Variants in SUSD6 observed in about 807,000 individuals in gnomAD.
SUSD6 encodes the protein sushi domain containing 6, also known as sushi domain-containing protein 6.
SUSD6 carries 16 observed loss-of-function variants against 28.4 expected under a neutral mutation model. That is an observed-to-expected ratio of 0.56 (90% CI 0.38 to 0.86). The LOEUF is 0.86. SUSD6 is among the 40% of genes least tolerant of loss of function. SUSD6 has a pLI of 0.00. For synonymous variants in SUSD6, 147 were observed against 159.6 expected (o/e 0.92, Z 0.59); for missense variants, 341 against 384.2 (o/e 0.89, Z 0.94).
chr14:69,682,602 CTG>C (rs1004689164), intron 2 of SUSD6, among the ~76,000 whole-genome samples: 11 of 152,148 alleles, frequency 7.2e-5, no homozygotes, highest in African/African-American at 1.7e-4. Context: ...GAAGGAGTCA[CTG>C]TGCAATTGTT....
intron 5 of SUSD6, among the ~76,000 whole-genome samples, chr14:69,709,869 C>T (rs1886437668): frequency 6.6e-6 from 1 of 152,182 alleles, no homozygotes; most frequent in African/African-American, 2.4e-5. Context: ...ATGAGACTAA[C>T]CCTAGATGCC....
rs768816213 is a variant in SUSD6, at chr14:69,708,700, A to ACCAGGTCTCCATCATGGTGGATGGAGT, written c.489_515dup (p.Ser164_Val172dup). ...AGGCGTGACCAGGGGGTATCTGGGG[A>ACCAGGTCTCCATCATGGTGGATGGAGT]CCAGGTCTCCATCATGGTGGATGGA... On this transcript the variant is annotated inframe_insertion, in exon 5 of 6. Coordinates refer to ENST00000342745, the MANE Select transcript of SUSD6 (RefSeq NM_014734.4). The ACCAGGTCTCCATCATGGTGGATGGAGT allele has an allele frequency of 6.3e-7, 1 of 1,588,528 alleles. No homozygotes were observed. The highest frequency in any genetic ancestry group is 8.6e-7 in the Non-Finnish European group (1 of 1,165,428).
Position 69,711,054 on chromosome 14 carries a change from TG to T in SUSD6, c.*76del, listed in dbSNP as rs1886455321. ...CCTCTCCCTGTGGGATTGAGCACCC[TG>T]TACTCTCCAGCCACCTTACCTGGAT... On this transcript the variant is annotated 3_prime_UTR_variant, in exon 6 of 6. Transcript: ENST00000342745. The T allele has an allele frequency of 7.5e-6, 11 of 1,474,468 alleles. No individual in the cohort carries two copies. Among genetic ancestry groups the T allele is most frequent in the Non-Finnish European group, 1.0e-5 (11 of 1,053,354 alleles). 91.3% of individuals were successfully genotyped at this position (1,474,468 alleles called of 1,614,324 possible).
At chr14:69,664,599 A>T (rs1335785247) in intron 2 of SUSD6, among the ~76,000 whole-genome samples, 1 of 152,116 alleles carries the variant, frequency 6.6e-6, no homozygotes, top group Non-Finnish European at 1.5e-5. Flanking sequence ...GGCATTGAGA[A>T]ATTACCCTCT....
At chr14:69,648,561 G>A (rs1217761245) in intron 1 of SUSD6, among the ~76,000 whole-genome samples, 2 of 152,092 alleles carry the variant, frequency 1.3e-5, no homozygotes, top group Non-Finnish European at 2.9e-5. Flanking sequence ...TTTTTAAATA[G>A]GCAGCTTTCC....
chr14:69,663,648 G>A (rs879743563), intron 2 of SUSD6, among the ~76,000 whole-genome samples: 10 of 152,204 alleles, frequency 6.6e-5, no homozygotes, highest in Non-Finnish European at 1.0e-4. Context: ...CAGCTAGGCA[G>A]TTGTGCAACC....
chr14:69,638,305 CT>C (rs1280296726), intron 1 of SUSD6, among the ~76,000 whole-genome samples: 3 of 152,074 alleles, frequency 2.0e-5, no homozygotes, highest in Non-Finnish European at 4.4e-5. Flanking sequence ...TTAGCTTGTG[CT>C]TCAAACCTTG....
intron 2 of SUSD6, among the ~76,000 whole-genome samples, chr14:69,662,517 C>G (rs995682067): frequency 6.6e-6 from 1 of 152,206 alleles, no homozygotes; most frequent in Non-Finnish European, 1.5e-5. Flanking sequence ...TTGGGTCCAG[C>G]TTTCCTTTGG....
intron 1 of SUSD6, among the ~76,000 whole-genome samples, chr14:69,651,768 T>C (rs1038708199): frequency 4.6e-5 from 7 of 152,254 alleles, no homozygotes; most frequent in African/African-American, 1.7e-4. Flanking sequence ...AGCCTGGCCA[T>C]TTCAGGGTGA....
chr14:69,643,925 T>C (rs77966760), intron 1 of SUSD6, among the ~76,000 whole-genome samples: 6,094 of 152,280 alleles, frequency 0.04, 436 homozygotes, highest in African/African-American at 0.14. Flanking sequence ...CCAGAGACTA[T>C]GTACTATTCA....
chr14:69,711,119 G>C lies in SUSD6; in HGVS notation c.*140G>C. 1.3e-6 allele frequency: 1 copy of C among 752,508 alleles called. No individual in the cohort carries two copies. Among genetic ancestry groups the C allele is most frequent in the South Asian group, 1.6e-5 (1 of 61,218 alleles). 46.6% of individuals were successfully genotyped at this position (752,508 alleles called of 1,614,324 possible). On this transcript the variant is annotated 3_prime_UTR_variant, in exon 6 of 6. Coordinates refer to ENST00000342745, the MANE Select transcript of SUSD6 (RefSeq NM_014734.4). ...CCTGTGTATCTGTGTATCTCTGAGG[G>C]CCCTATAGGCCCACCTTGCTGGAAA... is the stretch of plus-strand genomic sequence containing the variant.
chr14:69,696,466 A>G (rs1195004638), intron 2 of SUSD6, among the ~76,000 whole-genome samples: 1 of 152,252 alleles, frequency 6.6e-6, no homozygotes, highest in Admixed American at 6.5e-5. Context: ...TTGCTTCTAC[A>G]AACCATTGAA....
intron 1 of SUSD6, among the ~76,000 whole-genome samples, chr14:69,646,433 T>G (rs1595040380): frequency 6.6e-6 from 1 of 152,164 alleles, no homozygotes; most frequent in African/African-American, 2.4e-5. Flanking sequence ...TACAGGTTGA[T>G]CACTCCAGGG....
At chr14:69,661,328 A>G (rs1885658061) in intron 2 of SUSD6, among the ~76,000 whole-genome samples, 1 of 152,020 alleles carries the variant, frequency 6.6e-6, no homozygotes, top group African/African-American at 2.4e-5. Flanking sequence ...TTCCCACTCA[A>G]GATCCGAAAT....
intron 1 of SUSD6, among the ~76,000 whole-genome samples, chr14:69,612,843 T>C (rs1432382887): frequency 6.6e-6 from 1 of 152,232 alleles, no homozygotes; most frequent in Non-Finnish European, 1.5e-5. Context: ...TCTACAGAGA[T>C]GGGAAGTATG....
chr14:69,624,094 G>A (rs187524171), intron 1 of SUSD6, among the ~76,000 whole-genome samples: 95 of 152,308 alleles, frequency 6.2e-4, no homozygotes, highest in African/African-American at 2.0e-3. Flanking sequence ...AGCCCCATTC[G>A]TGGTAAGTGC....
intron 1 of SUSD6, among the ~76,000 whole-genome samples, chr14:69,621,007 C>T (rs1333292760): frequency 6.6e-6 from 1 of 152,114 alleles, no homozygotes; most frequent in East Asian, 1.9e-4. Context: ...GGCTTTACAA[C>T]CTGCTGGGGA....
chr14:69,659,950 T>C (rs1885638806), intron 2 of SUSD6, among the ~76,000 whole-genome samples: 1 of 152,232 alleles, frequency 6.6e-6, no homozygotes, highest in South Asian at 2.1e-4. Context: ...ACGGTAGGCC[T>C]CTGGGTGGTG....
chr14:69,691,269 G>T (rs1886149229), intron 2 of SUSD6, among the ~76,000 whole-genome samples: 1 of 152,134 alleles, frequency 6.6e-6, no homozygotes, highest in Non-Finnish European at 1.5e-5. Context: ...CTTCAACCTG[G>T]GAGAAGGCAG....
Sources: gnomAD v4.1 joint callset for allele counts (sites outside exome capture counted in the v4.1 genomes callset) on GRCh38, gnomAD v4.1.1 for gene constraint, MANE v1.5 for transcripts, NCBI Gene and HGNC (gene_info 2026-07-23, HGNC 2026-07-21) for gene names.